The following DNMT3B variants were observed in gnomAD, a reference collection of about 807,000 sequenced individuals.
DNMT3B encodes DNA (cytosine-5)-methyltransferase 3B.
In DNMT3B, 37 loss-of-function variants were observed where a neutral mutation model predicts 120.2. The observed-to-expected ratio is 0.31, with a 90% CI of 0.24 to 0.40. The LOEUF (loss-of-function observed/expected upper bound fraction) is 0.40, where lower values mean the gene tolerates loss of function less well. Among genes scored for constraint, DNMT3B ranks in the 10% least tolerant of loss-of-function variants. The pLI, the probability that DNMT3B is intolerant of heterozygous loss-of-function variation, is 1.00. For synonymous variants in DNMT3B, 412 were observed against 442.8 expected (o/e 0.93, Z 0.87); for missense variants, 878 against 1,137.3 (o/e 0.77, Z 3.28).
rs956344842 is a variant in DNMT3B, at chr20:32,800,442, T to G, written c.1905+144T>G. 3 of 1,309,966 alleles carry G rather than the reference T, an allele frequency of 2.3e-6. No individual in the cohort carries two copies. The African/African-American group carries it at 4.4e-5, about 19-fold the overall frequency. The allele number at this position is 1,309,966 out of a possible 1,614,324, so 81.1% of individuals were successfully genotyped here. ...CCTGTGGGAATCTTAAGCATTAGGTTAGGGTCAGAAGTGGAGTTGGTGACC... is the reference window on the plus strand; with the variant it reads ...CCTGTGGGAATCTTAAGCATTAGGTGAGGGTCAGAAGTGGAGTTGGTGACC... On this transcript the variant is annotated intron_variant, in intron 17 of 22. Coordinates refer to ENST00000328111, the MANE Select transcript of DNMT3B (RefSeq NM_006892.4).
intron 22 of DNMT3B, 72 bp from the exon 23 acceptor site, chr20:32,807,690 C>T: frequency 6.2e-7 from 1 of 1,606,692 alleles, no homozygotes; most frequent in Non-Finnish European, 8.5e-7. Context: ...AAGAGTGGGA[C>T]CTGGCTGGTT....
intron 1 of DNMT3B, among the ~76,000 whole-genome samples, chr20:32,777,289 C>T (rs1988114058): frequency 6.6e-6 from 1 of 152,082 alleles, no homozygotes; most frequent in Non-Finnish European, 1.5e-5. Context: ...GTGTGCTGCC[C>T]ACACGTTGGG....
intron 17 of DNMT3B, 127 bp from the exon 18 acceptor site, chr20:32,800,708 G>C: frequency 7.6e-6 from 8 of 1,048,302 alleles, no homozygotes; most frequent in Non-Finnish European, 1.2e-5. Context: ...ATCCACCCCC[G>C]CCGTCAGCCT....
chr20:32,790,337 G>A (rs953898846), intron 7 of DNMT3B, among the ~76,000 whole-genome samples: 2 of 152,184 alleles, frequency 1.3e-5, no homozygotes, highest in African/African-American at 4.8e-5. Context: ...TTGCCCCATC[G>A]AGACATAAAA....
chr20:32,797,147 C>T (rs1980727686), intron 13 of DNMT3B, 40 bp from the exon 14 acceptor site: 2 of 1,610,306 alleles, frequency 1.2e-6, no homozygotes, highest in Non-Finnish European at 8.5e-7. Context: ...CTGCCCTTCT[C>T]TGGTCTCCGA....
chr20:32,765,912 T>C (rs1987338369), intron 1 of DNMT3B, among the ~76,000 whole-genome samples: 1 of 151,746 alleles, frequency 6.6e-6, no homozygotes, highest in African/African-American at 2.4e-5. Flanking sequence ...CCGGCCACCA[T>C]GCCTGGCTAA....
In DNMT3B at chr20:32,780,400, C is replaced by T. The variant is rs1601074625; in HGVS notation, c.77C>T (p.Ala26Val). Reference sequence around the variant, plus strand: ...GAAGACTCGATCCTCGTCAACGGGGCCTGCAGCGACCAGTCCTCCGACTCG... The same window carrying T: ...GAAGACTCGATCCTCGTCAACGGGGTCTGCAGCGACCAGTCCTCCGACTCG... ...GREDSILVNG[A>V]CSDQSSDSPP... The change falls in exon 2 of 23, where the codon GCC (alanine) becomes GTC (valine). Residue 26 changes from alanine (A) to valine (V), a missense_variant. Transcript: ENST00000328111. The T allele has an allele frequency of 4.3e-6, 7 of 1,613,896 alleles. No individual in the cohort carries two copies. The highest frequency in any genetic ancestry group is 2.2e-5 in the South Asian group (2 of 91,068).
At chr20:32,784,672 C>T in intron 3 of DNMT3B, 86 bp from the exon 4 acceptor site, 1 of 1,434,334 alleles carries the variant, frequency 7.0e-7, no homozygotes, top group South Asian at 1.2e-5. Context: ...CACAGGCGAT[C>T]AGTCTTTCAT....
intron 1 of DNMT3B, among the ~76,000 whole-genome samples, chr20:32,776,253 G>A (rs934352732): frequency 6.6e-6 from 1 of 151,940 alleles, no homozygotes; most frequent in African/African-American, 2.4e-5. Flanking sequence ...AAAAATCCAT[G>A]GTGGTAGACA....
intron 6 of DNMT3B, among the ~76,000 whole-genome samples, chr20:32,788,067 G>A (rs1013894845): frequency 4.6e-5 from 7 of 152,176 alleles, no homozygotes. Flanking sequence ...AATGTCATCA[G>A]TTAAGGTGGG....
At chr20:32,786,454 A>C in intron 4 of DNMT3B, 48 bp from the exon 5 acceptor site, 1 of 1,613,180 alleles carries the variant, frequency 6.2e-7, no homozygotes, top group East Asian at 2.2e-5. Flanking sequence ...GCCAGACCCC[A>C]GGCCTCCAGT....
At position 32,792,782 on chromosome 20, in the gene DNMT3B, T is replaced by C. The variant is rs568923866; in HGVS notation, c.1066+12T>C. 2.5e-6 allele frequency: 4 copies of C among 1,613,646 alleles called. No homozygotes were observed. The South Asian group carries it at 4.4e-5, about 18-fold the overall frequency. On this transcript the variant is annotated intron_variant, in intron 9 of 22. Coordinates refer to ENST00000328111, the MANE Select transcript of DNMT3B (RefSeq NM_006892.4). ...CAACACGCAACCAGGTGGGAATGAG[T>C]CCCCATGGCAGCACCCGCTGCCTCT...
chr20:32,800,774 T>C, intron 17 of DNMT3B, 61 bp from the exon 18 acceptor site: 1 of 1,570,684 alleles, frequency 6.4e-7, no homozygotes, highest in South Asian at 1.1e-5. Context: ...ATTCTAGAAG[T>C]GGGTCCAGCT....
intron 1 of DNMT3B, among the ~76,000 whole-genome samples, chr20:32,772,980 G>A (rs1028681962): frequency 2.0e-5 from 3 of 147,616 alleles, no homozygotes; most frequent in South Asian, 4.3e-4. Context: ...CCACCACCCC[G>A]GCTAATTTTG....
rs1979318489 is a variant in DNMT3B at position 32,786,589 on chromosome 20, C to T, written c.394C>T (p.His132Tyr). 1 of 1,613,902 alleles carries T rather than the reference C, an allele frequency of 6.2e-7. No individual in the cohort carries two copies. The highest frequency in any genetic ancestry group is 1.1e-5 in the South Asian group (1 of 91,090). Residue 132 changes from histidine (H) to tyrosine (Y), a missense_variant, in exon 5 of 23, where the codon CAT becomes TAT. This residue lies in a region of DNMT3B where 287 missense variants were observed against 306.2 expected (regional missense o/e 0.94). Coordinates refer to ENST00000328111, the MANE Select transcript of DNMT3B (RefSeq NM_006892.4). ...RSTRGRQGRN[H>Y]VDESPVEFPA... ...CACCCGAGGCCGGCAGGGCCGCAAC[C>T]ATGTGGACGAGTCCCCCGTGGAGTT...
chr20:32,795,332 C>T, intron 10 of DNMT3B, 77 bp from the exon 11 acceptor site: 1 of 1,607,302 alleles, frequency 6.2e-7, no homozygotes, highest in South Asian at 1.1e-5. Flanking sequence ...CCAGGCATAG[C>T]ATGGTCTTGT....
chr20:32,797,872 C>G (rs1267945026), intron 14 of DNMT3B, among the ~76,000 whole-genome samples: 1 of 152,182 alleles, frequency 6.6e-6, no homozygotes, highest in African/African-American at 2.4e-5. Context: ...GTTGACCAGG[C>G]TTGTCTCGAA....
chr20:32,774,760 C>T (rs1455340316), intron 1 of DNMT3B, among the ~76,000 whole-genome samples: 2 of 151,868 alleles, frequency 1.3e-5, no homozygotes, highest in African/African-American at 4.8e-5. Flanking sequence ...CCCTTGTCGC[C>T]CAGGCTGGAG....
chr20:32,794,213 G>T (rs538408260), intron 10 of DNMT3B, among the ~76,000 whole-genome samples: 2 of 151,672 alleles, frequency 1.3e-5, no homozygotes, highest in South Asian at 4.2e-4. Flanking sequence ...TACAAAATTA[G>T]CTGGGTGAGG....
Sources: gnomAD v4.1 joint callset for allele counts (sites outside exome capture counted in the v4.1 genomes callset) on GRCh38, gnomAD v4.1.1 for gene constraint, gnomAD v4.1.1 regional missense constraint, MANE v1.5 for transcripts, NCBI Gene and HGNC (gene_info 2026-07-23, HGNC 2026-07-21) for gene names.